The following ALK variants were observed in gnomAD, a reference collection of about 807,000 sequenced individuals.
ALK encodes the protein ALK tyrosine kinase receptor.
A neutral mutation model predicts 163.1 loss-of-function variants in ALK; 74 were observed. The observed-to-expected ratio is 0.45, with a 90% CI of 0.38 to 0.55. ALK has a LOEUF of 0.55. Among genes scored for constraint, ALK ranks in the 20% least tolerant of loss-of-function variants. ALK has a pLI of 0.00. For synonymous variants in ALK, 960 were observed against 843.2 expected, an observed-to-expected ratio of 1.14 and a Z score of -2.40; for missense variants, 2,063 against 2,105.3, an observed-to-expected ratio of 0.98 and a Z score of 0.39.
chr2:29,658,834 C>T (rs1009955294), intron 3 of ALK, among the ~76,000 whole-genome samples: 1 of 152,266 alleles, frequency 6.6e-6, no homozygotes, highest in Admixed American at 6.5e-5. Flanking sequence ...GACCAAGATG[C>T]TCATAAACTA....
chr2:29,523,815 T>A (rs12471933), intron 4 of ALK, among the ~76,000 whole-genome samples: 15,743 of 147,970 alleles, frequency 0.11, 1,264 homozygotes, highest in South Asian at 0.34. Context: ...CTACAAGCCT[T>A]CAGCTGTCAA....
At chr2:29,515,449 A>G (rs1051666176) in intron 4 of ALK, among the ~76,000 whole-genome samples, 1 of 152,256 alleles carries the variant, frequency 6.6e-6, no homozygotes, top group Admixed American at 6.5e-5. Flanking sequence ...TCGTATTGAA[A>G]TAAGTATTTA....
At chr2:29,744,243 C>T (rs1382286659) in intron 1 of ALK, among the ~76,000 whole-genome samples, 1 of 152,114 alleles carries the variant, frequency 6.6e-6, no homozygotes, top group East Asian at 1.9e-4. Context: ...GAAATAAGAT[C>T]CCACTATGGT....
chr2:29,552,505 AC>A, intron 3 of ALK, among the ~76,000 whole-genome samples: 1 of 152,152 alleles, frequency 6.6e-6, no homozygotes, highest in East Asian at 1.9e-4. Flanking sequence ...ATACATCCTC[AC>A]CAATATTTGT....
chr2:29,904,214 A>G (rs1397593989), intron 1 of ALK, among the ~76,000 whole-genome samples: 1 of 152,194 alleles, frequency 6.6e-6, no homozygotes, highest in Non-Finnish European at 1.5e-5. Context: ...AATATTATTT[A>G]TGATTTAATT....
intron 1 of ALK, among the ~76,000 whole-genome samples, chr2:29,723,629 C>T (rs1679482033): frequency 6.6e-6 from 1 of 152,196 alleles, no homozygotes; most frequent in Admixed American, 6.5e-5. Flanking sequence ...TCAGGCTAAG[C>T]ACACACTCTG....
In ALK at chr2:29,622,737, T is replaced by C. The variant is rs113519310; in HGVS notation, c.952+72113A>G. Among the ~76,000 whole-genome samples, 1,029 of 152,264 alleles carry C rather than the reference T, an allele frequency of 6.8e-3. 12 individuals are homozygous for C. The highest frequency in any genetic ancestry group is 0.023 in the African/African-American group (949 of 41,548). On this transcript the variant is annotated intron_variant, in intron 3 of 28. Coordinates refer to ENST00000389048, the MANE Select transcript of ALK (RefSeq NM_004304.5). Reference sequence around the variant, plus strand: ...TGGGCCAGCCCCCTCACCCCTCCTCTGCACATGCTCTTCCCTTTGTATGGA... The same window carrying C: ...TGGGCCAGCCCCCTCACCCCTCCTCCGCACATGCTCTTCCCTTTGTATGGA...
chr2:29,312,926 C>G (rs1666732104), intron 8 of ALK, among the ~76,000 whole-genome samples: 1 of 152,212 alleles, frequency 6.6e-6, no homozygotes, highest in African/African-American at 2.4e-5. Flanking sequence ...CACAGGAACT[C>G]TGCCTGATGA....
chr2:29,363,304 G>A (rs1668425125), intron 5 of ALK, among the ~76,000 whole-genome samples: 1 of 152,158 alleles, frequency 6.6e-6, no homozygotes, highest in Admixed American at 6.5e-5. Context: ...TTCTTCCTAG[G>A]GGCCTTCACC....
Position 29,224,893 on chromosome 2 carries a change from CT to C in ALK, c.3172+567del, listed in dbSNP as rs1243141523. 3.3e-5 allele frequency among the ~76,000 whole-genome samples: 5 copies of C among 152,356 alleles called. No homozygotes were observed. The South Asian group carries it at 1.0e-3, about 32-fold the overall frequency. ...CTTTCCCTCTGCCCTTTTCAAGCCT[CT>C]GCCCATCTGTCCTGGGCATGTCTCT... is the stretch of plus-strand genomic sequence containing the variant. On this transcript the variant is annotated intron_variant, in intron 19 of 28. Coordinates refer to ENST00000389048, the MANE Select transcript of ALK (RefSeq NM_004304.5).
chr2:29,806,432 G>A (rs1275298115), intron 1 of ALK, among the ~76,000 whole-genome samples: 1 of 152,194 alleles, frequency 6.6e-6, no homozygotes, highest in Non-Finnish European at 1.5e-5. Context: ...CCCCCAAAAT[G>A]AAAGATAGCT....
At chr2:29,472,846 C>T (rs2148112227) in intron 4 of ALK, among the ~76,000 whole-genome samples, 1 of 144,826 alleles carries the variant, frequency 6.9e-6, no homozygotes, top group South Asian at 2.4e-4. Flanking sequence ...AAACAATTAC[C>T]TGGAGAAATT....
intron 8 of ALK, among the ~76,000 whole-genome samples, chr2:29,305,107 T>G (rs1408287563): frequency 1.3e-5 from 2 of 152,196 alleles, no homozygotes; most frequent in East Asian, 1.9e-4. Flanking sequence ...CCTGACCCTC[T>G]CAGTGAGGGG....
At chr2:29,909,937 T>C (rs1667656602) in intron 1 of ALK, among the ~76,000 whole-genome samples, 1 of 143,762 alleles carries the variant, frequency 7.0e-6, no homozygotes, top group Non-Finnish European at 1.5e-5. Flanking sequence ...AAGACAAAAA[T>C]GTCCACACAT....
intron 1 of ALK, among the ~76,000 whole-genome samples, chr2:29,752,638 G>A (rs572152857): frequency 1.2e-4 from 19 of 152,138 alleles, no homozygotes; most frequent in African/African-American, 4.1e-4. Flanking sequence ...GTGAGCCACC[G>A]CGCCCGGCCG....
At chr2:29,469,477 A>C (rs1671295620) in intron 4 of ALK, among the ~76,000 whole-genome samples, 4 of 152,184 alleles carry the variant, frequency 2.6e-5, no homozygotes, top group Admixed American at 2.6e-4. Context: ...TCTCAGAAAG[A>C]TAAAAATCCC....
chr2:29,332,383 A>G (rs1183146167), intron 5 of ALK, among the ~76,000 whole-genome samples: 1 of 143,600 alleles, frequency 7.0e-6, no homozygotes, highest in Non-Finnish European at 1.5e-5. Context: ...TTTCATCCAC[A>G]CCTTATGTCC....
chr2:29,832,624 G>A (rs992352958), intron 1 of ALK, among the ~76,000 whole-genome samples: 2 of 152,206 alleles, frequency 1.3e-5, no homozygotes, highest in African/African-American at 2.4e-5. Context: ...AGGCAATAGC[G>A]AAGCTAAAGC....
chr2:29,599,522 C>G (rs974765908), intron 3 of ALK, among the ~76,000 whole-genome samples: 1 of 152,096 alleles, frequency 6.6e-6, no homozygotes, highest in Admixed American at 6.5e-5. Flanking sequence ...TTTTGGGGTA[C>G]AAGAATGTGT....
Sources: gnomAD v4.1 joint callset for allele counts (sites outside exome capture counted in the v4.1 genomes callset) on GRCh38, gnomAD v4.1.1 for gene constraint, MANE v1.5 for transcripts, NCBI Gene and HGNC (gene_info 2026-07-23, HGNC 2026-07-21) for gene names.